Variants in WDR70 observed in about 807,000 individuals in gnomAD.
WDR70 encodes the protein WD repeat domain 70, also known as WD repeat-containing protein 70.
A neutral mutation model predicts 88.6 loss-of-function variants in WDR70; 53 were observed. That is an observed-to-expected ratio of 0.60 (90% CI 0.48 to 0.75). The LOEUF (loss-of-function observed/expected upper bound fraction) is 0.75. Ranked by LOEUF, WDR70 falls within the 30% of genes least tolerant of loss-of-function variation. The pLI, the probability that WDR70 is intolerant of heterozygous loss-of-function variation, is 0.00. For synonymous variants in WDR70, 280 were observed against 270.0 expected, an observed-to-expected ratio of 1.04 and a Z score of -0.36; for missense variants, 610 against 823.2, an observed-to-expected ratio of 0.74 and a Z score of 3.17.
intron 9 of WDR70, among the ~76,000 whole-genome samples, chr5:37,556,223 C>G (rs1742292096): frequency 6.6e-6 from 1 of 151,040 alleles, no homozygotes; most frequent in Non-Finnish European, 1.5e-5. Context: ...GTCCCACTTT[C>G]CAAAGAATTT....
At position 37,563,179 on chromosome 5, in the gene WDR70, A is replaced by AC. The variant is rs1227696112; in HGVS notation, c.918-41878dup. Among the ~76,000 whole-genome samples, 83 of 53,034 alleles carry AC rather than the reference A, an allele frequency of 1.6e-3. 21 individuals carry two copies. Among genetic ancestry groups the AC allele is most frequent in the Non-Finnish European group, 2.1e-3 (44 of 21,400 alleles). 34.8% of individuals were successfully genotyped at this position (53,034 alleles called of 152,430 possible). On this transcript the variant is annotated intron_variant, in intron 9 of 17. Coordinates refer to ENST00000265107, the MANE Select transcript of WDR70 (RefSeq NM_018034.4). Reference sequence around the variant, plus strand: ...GGGGGGCTGGCTGGGCGGGGGGCTGACCCCCCCACCTCCCTCCTGGACGGG... The same window carrying AC: ...GGGGGGCTGGCTGGGCGGGGGGCTGACCCCCCCCACCTCCCTCCTGGACGGG...
intron 5 of WDR70, among the ~76,000 whole-genome samples, chr5:37,436,423 T>C (rs756450310): frequency 6.6e-6 from 1 of 152,142 alleles, no homozygotes; most frequent in Non-Finnish European, 1.5e-5. Flanking sequence ...AACTCTAGCA[T>C]TTCTGGCTTT....
intron 10 of WDR70, among the ~76,000 whole-genome samples, chr5:37,667,452 A>G (rs1261478127): frequency 6.6e-6 from 1 of 152,156 alleles, no homozygotes; most frequent in Non-Finnish European, 1.5e-5. Context: ...ACCACCATTA[A>G]TGTTGCCATT....
intron 13 of WDR70, among the ~76,000 whole-genome samples, chr5:37,715,926 GCA>G (rs962269834): frequency 2.0e-5 from 3 of 150,834 alleles, no homozygotes; most frequent in Non-Finnish European, 3.0e-5. Flanking sequence ...ACACACACAC[GCA>G]CACACACACA....
intron 9 of WDR70, among the ~76,000 whole-genome samples, chr5:37,582,034 C>T (rs936067508): frequency 6.6e-6 from 1 of 152,034 alleles, no homozygotes; most frequent in Non-Finnish European, 1.5e-5. Context: ...TTTAGTAGTA[C>T]CTGTCTTACT....
chr5:37,523,415 G>A (rs932484241), intron 9 of WDR70, among the ~76,000 whole-genome samples: 14 of 152,326 alleles, frequency 9.2e-5, no homozygotes, highest in Admixed American at 9.1e-4. Flanking sequence ...CTGCAGCTGA[G>A]GGTCCTGACT....
At chr5:37,654,534 AT>A (rs1745497743) in intron 10 of WDR70, among the ~76,000 whole-genome samples, 1 of 152,066 alleles carries the variant, frequency 6.6e-6, no homozygotes, top group African/African-American at 2.4e-5. Context: ...TGTAATACTG[AT>A]AGTGGGGTGT....
chr5:37,715,677 C>T (rs1747633284), intron 13 of WDR70, among the ~76,000 whole-genome samples: 1 of 152,074 alleles, frequency 6.6e-6, no homozygotes, highest in South Asian at 2.1e-4. Context: ...GGAACAAAGA[C>T]AGGACAAATA....
chr5:37,612,652 A>G (rs1466222210), intron 10 of WDR70, among the ~76,000 whole-genome samples: 1 of 152,184 alleles, frequency 6.6e-6, no homozygotes, highest in Non-Finnish European at 1.5e-5. Flanking sequence ...CTGGCTGTGA[A>G]CATCTTACGC....
chr5:37,738,742 G>A (rs1375743566), intron 17 of WDR70, among the ~76,000 whole-genome samples: 1 of 152,056 alleles, frequency 6.6e-6, no homozygotes, highest in Non-Finnish European at 1.5e-5. Flanking sequence ...TACAGTTGCT[G>A]GAAAAGACTC....
intron 9 of WDR70, among the ~76,000 whole-genome samples, chr5:37,588,719 G>A (rs899915934): frequency 6.6e-6 from 1 of 151,952 alleles, no homozygotes; most frequent in Non-Finnish European, 1.5e-5. Flanking sequence ...TGGGACTACA[G>A]GCATGCATTA....
chr5:37,725,804 T>C (rs1179301316), intron 16 of WDR70, among the ~76,000 whole-genome samples: 1 of 152,132 alleles, frequency 6.6e-6, no homozygotes, highest in Non-Finnish European at 1.5e-5. Flanking sequence ...CTTCTATTTG[T>C]CTTATACACA....
In WDR70 at chr5:37,555,682, G is replaced by C. The variant is rs528940764; in HGVS notation, c.917+39092G>C. ...AAGCCCCTTTCCCTGCTGTGATATAGTTCTTACTTGTGGTATAATGTTCAG... is the reference window on the plus strand; with the variant it reads ...AAGCCCCTTTCCCTGCTGTGATATACTTCTTACTTGTGGTATAATGTTCAG... On this transcript the variant is annotated intron_variant, in intron 9 of 17. Transcript: ENST00000265107. Among the ~76,000 whole-genome samples, 9 of 150,870 alleles carry C rather than the reference G, an allele frequency of 6.0e-5. No individual in the cohort carries two copies. In the South Asian group the frequency reaches 1.9e-3, roughly 32 times the overall value.
At chr5:37,729,772 T>C (rs892422909) in intron 17 of WDR70, among the ~76,000 whole-genome samples, 3 of 152,170 alleles carry the variant, frequency 2.0e-5, no homozygotes, top group African/African-American at 7.2e-5. Context: ...TCTGTTTATT[T>C]TTTGGAGTGT....
At chr5:37,501,018 C>T (rs1361939346) in intron 8 of WDR70, among the ~76,000 whole-genome samples, 7 of 152,046 alleles carry the variant, frequency 4.6e-5, no homozygotes, top group Non-Finnish European at 7.4e-5. Context: ...GGATTACAGG[C>T]GTGAGCCACC....
chr5:37,698,455 G>A lies in WDR70; in HGVS notation c.1192+701G>A, dbSNP rs148034014. ...AGCATGGTAAGTAGTTTGGAGCCAT[G>A]TTACAGAGGGTCTTAAATATCACAT... On this transcript the variant is annotated intron_variant, in intron 11 of 17. Transcript: ENST00000265107. Among the ~76,000 whole-genome samples the A allele has an allele frequency of 7.3e-5, 11 of 150,766 alleles. No individual in the cohort carries two copies. The East Asian group carries it at 2.2e-3, about 30-fold the overall frequency.
At chr5:37,734,408 A>G (rs956087484) in intron 17 of WDR70, among the ~76,000 whole-genome samples, 2 of 152,134 alleles carry the variant, frequency 1.3e-5, no homozygotes, top group Non-Finnish European at 2.9e-5. Flanking sequence ...TTATTTATTC[A>G]TGCAAAAGAG....
chr5:37,600,400 G>A (rs1206451682), intron 9 of WDR70, among the ~76,000 whole-genome samples: 5 of 151,908 alleles, frequency 3.3e-5, no homozygotes, highest in South Asian at 2.1e-4. Context: ...GGTGGCGGGC[G>A]CCTGTAGTCC....
chr5:37,579,657 T>G (rs1360038411), intron 9 of WDR70, among the ~76,000 whole-genome samples: 1 of 152,062 alleles, frequency 6.6e-6, no homozygotes, highest in Non-Finnish European at 1.5e-5. Flanking sequence ...GATTTAATTA[T>G]TGTTTGAAAA....
Sources: allele counts gnomAD v4.1 joint callset (sites outside exome capture counted in the v4.1 genomes callset), GRCh38; gene constraint gnomAD v4.1.1; transcripts MANE v1.5; gene names NCBI Gene and HGNC (gene_info 2026-07-23, HGNC 2026-07-21).